Variants in ZDHHC21 observed in about 807,000 individuals in gnomAD.
ZDHHC21 encodes the protein zDHHC palmitoyltransferase 21.
A neutral mutation model predicts 34.6 loss-of-function variants in ZDHHC21; 15 were observed. The observed-to-expected ratio is 0.43, with a 90% CI of 0.29 to 0.67. The LOEUF is 0.67. Ranked by LOEUF, ZDHHC21 falls within the 30% of genes least tolerant of loss-of-function variation. The pLI is 0.14. For missense variants in ZDHHC21, 344 were observed against 327.7 expected (o/e 1.05, Z -0.38); for synonymous variants, 142 against 101.8 (o/e 1.40, Z -2.38).
chr9:14,653,018 C>T (rs1831508252), intron 7 of ZDHHC21, among the ~76,000 whole-genome samples: 1 of 151,888 alleles, frequency 6.6e-6, no homozygotes. Context: ...GACAGAAGAA[C>T]ACAGGGTCAA....
At chr9:14,624,194 G>A (rs1384610620) in intron 8 of ZDHHC21, among the ~76,000 whole-genome samples, 4 of 152,054 alleles carry the variant, frequency 2.6e-5, no homozygotes, top group Non-Finnish European at 5.9e-5. Context: ...TAATCTAGAA[G>A]ATGAATTATA....
intron 3 of ZDHHC21, among the ~76,000 whole-genome samples, chr9:14,678,968 C>G (rs1375849415): frequency 1.3e-5 from 2 of 151,742 alleles, no homozygotes; most frequent in African/African-American, 4.8e-5. Flanking sequence ...AGACCGTAAC[C>G]GGTTTTTCTG....
chr9:14,673,074 C>T lies in ZDHHC21; in HGVS notation c.155-146G>A, dbSNP rs190318934. On this transcript the variant is annotated intron_variant, in intron 4 of 9. Coordinates refer to ENST00000380916, the MANE Select transcript of ZDHHC21 (RefSeq NM_178566.6). ...AGATTAAAAAATAAATAATTGATTT[C>T]ACTCACCAAATAACACTGTCAGGAG... is the stretch of plus-strand genomic sequence containing the variant. 3.0e-3 allele frequency: 1,478 copies of T among 492,736 alleles called. 9 individuals carry two copies. Among genetic ancestry groups the T allele is most frequent in the Non-Finnish European group, 2.3e-3 (654 of 284,656 alleles). 30.5% of individuals were successfully genotyped at this position (492,736 alleles called of 1,614,324 possible). A position where few individuals can be genotyped will look rare whatever the true frequency, so the allele number is the denominator to read the frequency against.
the ZDHHC21 span, among the ~76,000 whole-genome samples, chr9:14,591,960 TAC>T: frequency 2.0e-5 from 3 of 152,164 alleles, no homozygotes; most frequent in African/African-American, 7.2e-5. Context: ...AATTTTATCT[TAC>T]AGACATATAG....
chr9:14,689,297 T>G (rs961147369), intron 2 of ZDHHC21, among the ~76,000 whole-genome samples: 1 of 152,184 alleles, frequency 6.6e-6, no homozygotes, highest in African/African-American at 2.4e-5. Flanking sequence ...AAAGCAGGAC[T>G]GGTGAGCAAA....
At position 14,615,955 on chromosome 9, in the gene ZDHHC21, G is replaced by A. The variant is rs1057126106; in HGVS notation, c.*3011C>T. 1.3e-5 allele frequency: 2 copies of A among 151,520 alleles called. No individual in the cohort carries two copies. Among genetic ancestry groups the A allele is most frequent in the South Asian group, 4.2e-4 (2 of 4,814 alleles). The allele number at this position is 151,520 out of a possible 1,614,324, so 9.4% of individuals were successfully genotyped here. A position where few individuals can be genotyped will look rare whatever the true frequency, so the allele number is the denominator to read the frequency against. ...TTTCTAATGCCCAACACCTTTAGTT[G>A]TTTTCAGTTATCCAGAATACATAAG... is the stretch of plus-strand genomic sequence containing the variant. On this transcript the variant is annotated 3_prime_UTR_variant, in exon 10 of 10. Coordinates refer to ENST00000380916, the MANE Select transcript of ZDHHC21 (RefSeq NM_178566.6).
chr9:14,688,761 C>G (rs190218130), intron 2 of ZDHHC21, among the ~76,000 whole-genome samples: 52 of 152,334 alleles, frequency 3.4e-4, no homozygotes, highest in African/African-American at 1.2e-3. Flanking sequence ...ACTCGGGAGG[C>G]TGAGACAGGA....
the ZDHHC21 span, chr9:14,589,696 T>C: frequency 0.49 from 74,852 of 152,058 alleles, 18,758 homozygotes; most frequent in Middle Eastern, 0.57. Context: ...GACATTCAAA[T>C]TGAACACATG....
chr9:14,621,791 A>G (rs564532398), intron 8 of ZDHHC21, among the ~76,000 whole-genome samples: 1 of 152,266 alleles, frequency 6.6e-6, no homozygotes, highest in African/African-American at 2.4e-5. Context: ...AGCAAACTAG[A>G]AGAGGACAGG....
intron 6 of ZDHHC21, among the ~76,000 whole-genome samples, chr9:14,661,198 T>A (rs1833331873): frequency 6.6e-6 from 1 of 152,192 alleles, no homozygotes; most frequent in Non-Finnish European, 1.5e-5. Context: ...TTTTCCTATT[T>A]CAGGAAATTA....
chr9:14,667,492 T>C (rs1308940818), intron 5 of ZDHHC21, among the ~76,000 whole-genome samples: 1 of 148,404 alleles, frequency 6.7e-6, no homozygotes, highest in Non-Finnish European at 1.5e-5. Flanking sequence ...CCTCCCTAAC[T>C]CATTTTATGA....
intron 7 of ZDHHC21, among the ~76,000 whole-genome samples, chr9:14,643,796 T>A (rs1044769021): frequency 2.6e-5 from 4 of 152,228 alleles, no homozygotes; most frequent in Non-Finnish European, 1.5e-5. Flanking sequence ...AGCTGTCATT[T>A]CTTCAGTGAC....
chr9:14,610,883 C>T (rs550833328), downstream of ZDHHC21, among the ~76,000 whole-genome samples: 121 of 151,950 alleles, frequency 8.0e-4, no homozygotes, highest in Non-Finnish European at 1.5e-3. Flanking sequence ...AGTATGTACA[C>T]CTAGTTCTTT....
downstream of ZDHHC21, among the ~76,000 whole-genome samples, chr9:14,609,812 G>C (rs1435523812): frequency 6.6e-6 from 1 of 152,052 alleles, no homozygotes; most frequent in African/African-American, 2.4e-5. Context: ...ACCATCACTT[G>C]AGTTTTAGTG....
chr9:14,592,707 A>G, the ZDHHC21 span, among the ~76,000 whole-genome samples: 1 of 152,172 alleles, frequency 6.6e-6, no homozygotes, highest in Non-Finnish European at 1.5e-5. Flanking sequence ...TACTACTATC[A>G]GAATACATGT....
the ZDHHC21 span, among the ~76,000 whole-genome samples, chr9:14,601,035 A>G: frequency 3.0e-3 from 458 of 152,362 alleles, 2 homozygotes; most frequent in South Asian, 0.031. Flanking sequence ...AAGACCTAAA[A>G]CCATAAAAAC....
intron 8 of ZDHHC21, among the ~76,000 whole-genome samples, chr9:14,633,786 G>A (rs991864879): frequency 6.6e-6 from 1 of 152,146 alleles, no homozygotes; most frequent in Non-Finnish European, 1.5e-5. Flanking sequence ...GGCTGGCACT[G>A]CCAGGCTGAA....
At chr9:14,632,369 A>G (rs900933793) in intron 8 of ZDHHC21, among the ~76,000 whole-genome samples, 1 of 152,096 alleles carries the variant, frequency 6.6e-6, no homozygotes, top group Non-Finnish European at 1.5e-5. Flanking sequence ...TTTGCAAGAA[A>G]TGGTGCTGGG....
chr9:14,597,079 C>T, the ZDHHC21 span, among the ~76,000 whole-genome samples: 1 of 152,080 alleles, frequency 6.6e-6, no homozygotes, highest in Non-Finnish European at 1.5e-5. Context: ...CCTCACAGGC[C>T]CTGAGACTAG....
Sources: gnomAD v4.1 joint callset for allele counts (sites outside exome capture counted in the v4.1 genomes callset) on GRCh38, gnomAD v4.1.1 for gene constraint, MANE v1.5 for transcripts, NCBI Gene and HGNC (gene_info 2026-07-23, HGNC 2026-07-21) for gene names.